PSMG2: variants seen among roughly 807,000 people sequenced by gnomAD.
PSMG2 encodes proteasome assembly chaperone 2.
Under a neutral mutation model 31.5 loss-of-function variants are expected in PSMG2, and 21 were observed. That is an observed-to-expected ratio of 0.67 (90% confidence interval 0.47 to 0.96). The LOEUF (loss-of-function observed/expected upper bound fraction) is 0.96. Ranked by LOEUF, PSMG2 falls within the 40% of genes least tolerant of loss-of-function variation. The pLI is 0.00. For missense variants in PSMG2, 318 were observed against 321.2 expected (o/e 0.99, Z 0.08); for synonymous variants, 120 against 110.4 (o/e 1.09, Z -0.54).
chr18:12,695,835 A>C (rs1209025107), intron 1 of PSMG2, among the ~76,000 whole-genome samples: 4 of 148,522 alleles, frequency 2.7e-5, no homozygotes, highest in African/African-American at 1.0e-4. Flanking sequence ...AGCAACTGTT[A>C]ACACCTCATT....
chr18:12,669,804 C>A (rs2038894700), intron 1 of PSMG2, among the ~76,000 whole-genome samples: 3 of 151,532 alleles, frequency 2.0e-5, no homozygotes, highest in African/African-American at 4.8e-5. Context: ...AGTTTGAGAC[C>A]CTCCTGACCA....
intron 2 of PSMG2, among the ~76,000 whole-genome samples, chr18:12,708,530 A>G (rs2040292766): frequency 6.6e-6 from 1 of 150,628 alleles, no homozygotes; most frequent in African/African-American, 2.4e-5. Context: ...ACACCCAGCT[A>G]GTTTTGTATT....
rs559155412 is a variant in PSMG2 at position 12,678,726 on chromosome 18, CA to C, written c.-37+19954del. On this transcript the variant is annotated intron_variant, in intron 1 of 6. Transcript: ENST00000585331. ...GTCCCAGCACTTTGGGAGGCCGAGGCAGGGGGATCACCTGAGGTCAAGAGTT... is the reference window on the plus strand; with the variant it reads ...GTCCCAGCACTTTGGGAGGCCGAGGCGGGGGATCACCTGAGGTCAAGAGTT... 9.1e-3 allele frequency among the ~76,000 whole-genome samples: 1,382 copies of C among 152,178 alleles called. 18 individuals are homozygous for C. The highest frequency in any genetic ancestry group is 0.031 in the African/African-American group (1,290 of 41,516).
intron 4 of PSMG2, among the ~76,000 whole-genome samples, chr18:12,720,029 A>G (rs1450067072): frequency 1.3e-5 from 2 of 150,776 alleles, no homozygotes; most frequent in East Asian, 2.0e-4. Context: ...AAGATGTAGC[A>G]TTTAGATCAT....
At chr18:12,662,967 G>A (rs879763992) in intron 1 of PSMG2, among the ~76,000 whole-genome samples, 3 of 152,082 alleles carry the variant, frequency 2.0e-5, no homozygotes, top group Admixed American at 1.3e-4. Flanking sequence ...ATGACGTTCT[G>A]ATCTGAATAT....
At chr18:12,708,774 C>T (rs34923819) in intron 2 of PSMG2, among the ~76,000 whole-genome samples, 12,855 of 140,912 alleles carry the variant, frequency 0.091, 806 homozygotes, top group Non-Finnish European at 0.13. Flanking sequence ...GGCACAATCT[C>T]GGCTCACTGC....
At chr18:12,675,670 A>T (rs1202191152) in intron 1 of PSMG2, among the ~76,000 whole-genome samples, 2 of 151,338 alleles carry the variant, frequency 1.3e-5, no homozygotes, top group East Asian at 3.9e-4. Context: ...TTTATTTTTT[A>T]TTTTTTTAAA....
At chr18:12,710,758 A>G (rs1265363025) in intron 2 of PSMG2, among the ~76,000 whole-genome samples, 1 of 152,180 alleles carries the variant, frequency 6.6e-6, no homozygotes, top group Non-Finnish European at 1.5e-5. Context: ...TTCGTAATGT[A>G]TCACATCAGA....
At chr18:12,711,594 C>A (rs1037116907) in intron 2 of PSMG2, among the ~76,000 whole-genome samples, 1 of 152,094 alleles carries the variant, frequency 6.6e-6, no homozygotes, top group Non-Finnish European at 1.5e-5. Flanking sequence ...CCATAGGAGA[C>A]AATTTCCGAA....
chr18:12,720,510 T>A lies in PSMG2; in HGVS notation c.408T>A (p.Ser136Arg). 6.3e-7 allele frequency: 1 copy of A among 1,579,776 alleles called. No homozygotes were observed. Among genetic ancestry groups the A allele is most frequent in the South Asian group, 1.2e-5 (1 of 85,652 alleles). Residue 136 changes from serine (S) to arginine (R), a missense_variant and splice_region_variant, in exon 5 of 7, where the codon AGT (serine) becomes AGA (arginine). Transcript: ENST00000317615. ...SYQRNDLQLRSTPFRYLLTPS... is the reference protein window; with the variant it reads ...SYQRNDLQLRRTPFRYLLTPS... Reference sequence around the variant, plus strand: ...AAGTTAACTATATGATTATTTCTAGTACTCCCTTCCGGTACCTACTTACAC... The same window carrying A: ...AAGTTAACTATATGATTATTTCTAGAACTCCCTTCCGGTACCTACTTACAC...
At chr18:12,724,220 C>G (rs991170483) in intron 5 of PSMG2, 1 of 319,384 alleles carries the variant, frequency 3.1e-6, no homozygotes. Flanking sequence ...TAGGTCAGAA[C>G]ATACCTTATC....
intron 2 of PSMG2, among the ~76,000 whole-genome samples, chr18:12,711,982 C>T (rs188572579): frequency 5.9e-5 from 9 of 152,148 alleles, no homozygotes; most frequent in South Asian, 2.1e-4. Context: ...TGATCTTGAT[C>T]TCCTGACCTT....
At chr18:12,659,823 C>T (rs1019148465) in intron 1 of PSMG2, among the ~76,000 whole-genome samples, 14 of 152,066 alleles carry the variant, frequency 9.2e-5, no homozygotes, top group African/African-American at 3.4e-4. Context: ...TCTATGTGTG[C>T]CAAAGCCCAG....
At chr18:12,722,156 C>G (rs2040437138) in intron 5 of PSMG2, among the ~76,000 whole-genome samples, 1 of 152,194 alleles carries the variant, frequency 6.6e-6, no homozygotes, top group Non-Finnish European at 1.5e-5. Flanking sequence ...ATCAATCCTC[C>G]TAAACTTTTG....
At chr18:12,681,079 G>A (rs1044206411) in intron 1 of PSMG2, among the ~76,000 whole-genome samples, 1 of 151,608 alleles carries the variant, frequency 6.6e-6, no homozygotes, top group African/African-American at 2.4e-5. Context: ...CACACCATTA[G>A]TCCCAGCTAC....
chr18:12,683,988 T>C (rs1479468329), intron 1 of PSMG2, among the ~76,000 whole-genome samples: 1 of 150,250 alleles, frequency 6.7e-6, no homozygotes, highest in African/African-American at 2.4e-5. Context: ...AAAATCTAAA[T>C]ATATATATGA....
chr18:12,680,516 G>C (rs1036543615), intron 1 of PSMG2: 2 of 499,414 alleles, frequency 4.0e-6, no homozygotes, highest in Non-Finnish European at 6.7e-6. Flanking sequence ...GAATCGGCTT[G>C]AACCTGGGAG....
At chr18:12,702,850 G>C (rs932631831), upstream of PSMG2, 1 of 567,694 alleles carries the variant, frequency 1.8e-6, no homozygotes. Flanking sequence ...CCCGCACCCC[G>C]AGACCTCAGC....
intron 1 of PSMG2, among the ~76,000 whole-genome samples, chr18:12,667,000 ATAAAT>A (rs1420880902): frequency 1.3e-5 from 2 of 152,192 alleles, no homozygotes; most frequent in East Asian, 1.9e-4. Context: ...TCTGATTCTG[ATAAAT>A]TAAGATGTAT....
Sources: allele counts gnomAD v4.1 joint callset (sites outside exome capture counted in the v4.1 genomes callset), GRCh38; gene constraint gnomAD v4.1.1; transcripts MANE v1.5; gene names NCBI Gene and HGNC (gene_info 2026-07-23, HGNC 2026-07-21).